The following MAML3 variants were observed in gnomAD, a reference collection of about 807,000 sequenced individuals.
The protein encoded by MAML3 is mastermind-like protein 3.
In MAML3, 27 loss-of-function variants were observed where a neutral mutation model predicts 101.9. The observed-to-expected ratio is 0.27, with a 90% CI of 0.20 to 0.37. The LOEUF is 0.37. Ranked by LOEUF, MAML3 falls within the 10% of genes least tolerant of loss-of-function variation. The pLI is 1.00. For missense variants in MAML3, 1,316 were observed against 1,444.9 expected, an observed-to-expected ratio of 0.91 and a Z score of 1.45; for synonymous variants, 501 against 555.9, an observed-to-expected ratio of 0.90 and a Z score of 1.39.
Position 139,720,178 on chromosome 4 carries a change from C to G in MAML3, c.2562G>C (p.Ser854=), listed in dbSNP as rs377315754. Residue 854 remains serine (S), a synonymous_variant, in exon 5 of 5, where the codon TCG becomes TCC. Coordinates refer to ENST00000509479, the MANE Select transcript of MAML3 (RefSeq NM_018717.5). Reference sequence around the variant, plus strand: ...TGCTATAAGGGGCCAGTCCCATCTCCGACTGCGCAGCTGCGGTGGCCATCG... The same window carrying G: ...TGCTATAAGGGGCCAGTCCCATCTCGGACTGCGCAGCTGCGGTGGCCATCG... ...PGTMATAAAQ[S]EMGLAPYSTT... is the part of the protein sequence containing the mutation. 1 of 1,613,910 alleles carries G rather than the reference C, an allele frequency of 6.2e-7. No individual in the cohort carries two copies. The highest frequency in any genetic ancestry group is 1.3e-5 in the African/African-American group (1 of 74,942).
chr4:140,056,581 C>T (rs1452154053), intron 1 of MAML3, among the ~76,000 whole-genome samples: 1 of 151,848 alleles, frequency 6.6e-6, no homozygotes, highest in Non-Finnish European at 1.5e-5. Context: ...CTGAGACGGG[C>T]GGATCACCTG....
chr4:140,051,623 A>C (rs1727271279), intron 1 of MAML3, among the ~76,000 whole-genome samples: 1 of 152,126 alleles, frequency 6.6e-6, no homozygotes, highest in Non-Finnish European at 1.5e-5. Flanking sequence ...GACAAAGAAT[A>C]TCTAACGAAT....
At position 139,822,442 on chromosome 4, in the gene MAML3, T is replaced by C. The variant is rs1279977720; in HGVS notation, c.2079+66915A>G. On this transcript the variant is annotated intron_variant, in intron 2 of 4. Coordinates refer to ENST00000509479, the MANE Select transcript of MAML3 (RefSeq NM_018717.5). ...CCTCCTGAAATCCGCACTGTACCCC[T>C]CTGGGCAACAGGTTTGGTAGAGGAA... Among the ~76,000 whole-genome samples the C allele has an allele frequency of 2.0e-5, 3 of 152,302 alleles. No individual in the cohort carries two copies. The East Asian group carries it at 5.8e-4, about 29-fold the overall frequency.
intron 1 of MAML3, among the ~76,000 whole-genome samples, chr4:139,910,095 C>A (rs542124770): frequency 6.6e-6 from 1 of 152,148 alleles, no homozygotes; most frequent in Non-Finnish European, 1.5e-5. Flanking sequence ...TTTGTAGTGT[C>A]AGTTGCAGCT....
Position 139,889,413 on chromosome 4 carries a change from G to C in MAML3, c.2023C>G (p.Gln675Glu), listed in dbSNP as rs1384255632. Reference sequence around the variant, plus strand: ...ATGGGCTGATTCATCACTCCTTTCTGCTTCATGAGAAGCAGGCGTTTCTGG... The same window carrying C: ...ATGGGCTGATTCATCACTCCTTTCTCCTTCATGAGAAGCAGGCGTTTCTGG... ...EDQKRLLLMK[Q>E]KGVMNQPMAY... is the part of the protein sequence containing the mutation. The change falls in exon 2 of 5, where the codon CAG (glutamine) becomes GAG (glutamate). Residue 675 changes from glutamine to glutamate, a missense_variant. Coordinates refer to ENST00000509479, the MANE Select transcript of MAML3 (RefSeq NM_018717.5). 1 of 1,614,066 alleles carries C rather than the reference G, an allele frequency of 6.2e-7. No individual in the cohort carries two copies. The highest frequency in any genetic ancestry group is 1.7e-5 in the Admixed American group (1 of 60,034).
At chr4:139,747,267 C>T (rs750623421) in intron 2 of MAML3, among the ~76,000 whole-genome samples, 1 of 152,240 alleles carries the variant, frequency 6.6e-6, no homozygotes, top group East Asian at 1.9e-4. Flanking sequence ...TTTGTGGCGC[C>T]GGTGGGAGGA....
At chr4:139,741,116 G>A (rs1729152177) in intron 2 of MAML3, among the ~76,000 whole-genome samples, 1 of 152,184 alleles carries the variant, frequency 6.6e-6, no homozygotes, top group Non-Finnish European at 1.5e-5. Context: ...CTGCCCAGCT[G>A]CGGTGGTGGG....
At chr4:140,104,227 A>C (rs1003854924) in intron 1 of MAML3, among the ~76,000 whole-genome samples, 1 of 149,708 alleles carries the variant, frequency 6.7e-6, no homozygotes, top group African/African-American at 2.5e-5. Context: ...TCTACAAAAA[A>C]TTTAAAAAAT....
intron 2 of MAML3, among the ~76,000 whole-genome samples, chr4:139,817,903 C>G (rs1247622840): frequency 6.6e-6 from 1 of 152,224 alleles, no homozygotes; most frequent in Non-Finnish European, 1.5e-5. Flanking sequence ...CTTACTGCTT[C>G]TTGTAGTTAT....
intron 1 of MAML3, among the ~76,000 whole-genome samples, chr4:140,050,939 G>A (rs1727257966): frequency 6.6e-6 from 1 of 152,106 alleles, no homozygotes; most frequent in African/African-American, 2.4e-5. Context: ...ATGATATGAA[G>A]CACTAGTACA....
chr4:139,988,607 T>G (rs1301564017), intron 1 of MAML3, among the ~76,000 whole-genome samples: 14 of 152,168 alleles, frequency 9.2e-5, no homozygotes, highest in Admixed American at 9.2e-4. Context: ...AGTTCTTTAG[T>G]TGTCCCATCG....
intron 1 of MAML3, among the ~76,000 whole-genome samples, chr4:140,117,872 CA>C (rs1728540846): frequency 6.6e-6 from 1 of 151,764 alleles, no homozygotes; most frequent in African/African-American, 2.4e-5. Flanking sequence ...TATCAGAAGT[CA>C]ATAGTTCAGA....
chr4:139,732,168 A>G (rs544596153), intron 2 of MAML3, among the ~76,000 whole-genome samples: 1 of 152,264 alleles, frequency 6.6e-6, no homozygotes, highest in East Asian at 1.9e-4. Context: ...GGATTTTAAC[A>G]TTTTTCTTCT....
chr4:140,078,569 C>T (rs1408769206), intron 1 of MAML3, among the ~76,000 whole-genome samples: 2 of 152,032 alleles, frequency 1.3e-5, no homozygotes, highest in South Asian at 2.1e-4. Flanking sequence ...GGAGCCTGGG[C>T]GGAAGACCCA....
intron 2 of MAML3, among the ~76,000 whole-genome samples, chr4:139,837,828 G>A (rs1218500312): frequency 6.6e-6 from 1 of 151,936 alleles, no homozygotes; most frequent in Admixed American, 6.6e-5. Context: ...GCTGAGGTAG[G>A]AGAATTGCTT....
intron 1 of MAML3, among the ~76,000 whole-genome samples, chr4:139,895,950 A>C (rs1732596721): frequency 6.6e-6 from 1 of 152,228 alleles, no homozygotes; most frequent in Non-Finnish European, 1.5e-5. Context: ...TGCATTTTGG[A>C]ATATAAGAAA....
intron 1 of MAML3, among the ~76,000 whole-genome samples, chr4:139,989,065 G>A (rs1734610567): frequency 6.6e-6 from 1 of 152,168 alleles, no homozygotes; most frequent in Non-Finnish European, 1.5e-5. Context: ...AGTCGCCTCA[G>A]TTGGCAGAAC....
chr4:140,043,775 G>A (rs1727130701), intron 1 of MAML3, among the ~76,000 whole-genome samples: 1 of 152,128 alleles, frequency 6.6e-6, no homozygotes, highest in South Asian at 2.1e-4. Context: ...AGTCTATTGT[G>A]ACAGAAAAGT....
rs1364498338 is a variant in MAML3 at position 139,889,621 on chromosome 4, C to G, written c.1815G>C (p.Leu605=). ...NILTYGNTKP[L]THFNADLSQR... ...GACTCAGGTCTGCATTGAAGTGGGT[C>G]AGGGGTTTAGTGTTGCCATAAGTCA... is the stretch of plus-strand genomic sequence containing the variant. Residue 605 remains leucine, a synonymous_variant, in exon 2 of 5, where the codon CTG becomes CTC. Coordinates refer to ENST00000509479, the MANE Select transcript of MAML3 (RefSeq NM_018717.5). 2.5e-6 allele frequency: 4 copies of G among 1,613,834 alleles called. No homozygotes were observed. Among genetic ancestry groups the G allele is most frequent in the Non-Finnish European group, 3.4e-6 (4 of 1,179,872 alleles).
Sources: gnomAD v4.1 joint callset for allele counts (sites outside exome capture counted in the v4.1 genomes callset) on GRCh38, gnomAD v4.1.1 for gene constraint, MANE v1.5 for transcripts, NCBI Gene and HGNC (gene_info 2026-07-23, HGNC 2026-07-21) for gene names.